Variants in BTBD9 observed in about 807,000 individuals in gnomAD.
The protein encoded by BTBD9 is BTB/POZ domain-containing protein 9.
Under a neutral mutation model 64.3 loss-of-function variants are expected in BTBD9, and 49 were observed. The observed-to-expected ratio is 0.76, with a 90% CI of 0.61 to 0.97. The LOEUF (loss-of-function observed/expected upper bound fraction) is 0.97, where lower values mean the gene tolerates loss of function less well. Ranked by LOEUF, BTBD9 falls within the 50% of genes least tolerant of loss-of-function variation. The pLI is 0.00. For missense variants in BTBD9, 598 were observed against 762.1 expected, an observed-to-expected ratio of 0.78 and a Z score of 2.53; for synonymous variants, 260 against 274.7, an observed-to-expected ratio of 0.95 and a Z score of 0.53.
At chr6:38,279,457 CTG>C (rs35789578) in intron 8 of BTBD9, among the ~76,000 whole-genome samples, 56,719 of 151,770 alleles carry the variant, frequency 0.37, 11,167 homozygotes, top group African/African-American at 0.48. Flanking sequence ...CCTTAAATGA[CTG>C]TGACCCTTCA....
At chr6:38,380,050 G>A (rs1198892738) in intron 6 of BTBD9, among the ~76,000 whole-genome samples, 1 of 152,152 alleles carries the variant, frequency 6.6e-6, no homozygotes, top group African/African-American at 2.4e-5. Flanking sequence ...ATGAAGAAAG[G>A]TGGGTGTGGG....
At chr6:38,486,557 A>C (rs1249632836) in intron 6 of BTBD9, among the ~76,000 whole-genome samples, 1 of 152,164 alleles carries the variant, frequency 6.6e-6, no homozygotes, top group African/African-American at 2.4e-5. Flanking sequence ...GGACAGGGAG[A>C]GATGGGGGAA....
intron 6 of BTBD9, among the ~76,000 whole-genome samples, chr6:38,362,298 A>G (rs1264941129): frequency 6.6e-6 from 1 of 152,226 alleles, no homozygotes; most frequent in Non-Finnish European, 1.5e-5. Context: ...TTAAGTGTCT[A>G]CTTTTCAGCT....
intron 6 of BTBD9, among the ~76,000 whole-genome samples, chr6:38,503,234 C>G (rs886650171): frequency 6.6e-6 from 1 of 152,152 alleles, no homozygotes; most frequent in African/African-American, 2.4e-5. Context: ...CTCTCAGCAG[C>G]TGTTCCCGCT....
At chr6:38,575,786 A>AT (rs1037660240) in intron 6 of BTBD9, among the ~76,000 whole-genome samples, 3 of 151,806 alleles carry the variant, frequency 2.0e-5, no homozygotes, top group Admixed American at 6.6e-5. Context: ...ACTGTTGCTC[A>AT]TTTTTTTTCA....
chr6:38,310,155 C>T (rs1278780300), intron 7 of BTBD9, among the ~76,000 whole-genome samples: 1 of 152,122 alleles, frequency 6.6e-6, no homozygotes, highest in Non-Finnish European at 1.5e-5. Flanking sequence ...AAAGTGAGTA[C>T]GAACTTCTGA....
At chr6:38,288,183 G>A in intron 8 of BTBD9, 89 bp downstream of exon 8, 1 of 1,317,806 alleles carries the variant, frequency 7.6e-7, no homozygotes, top group Non-Finnish European at 1.1e-6. Flanking sequence ...TTTCTTCACT[G>A]AAGTTATTAG....
At chr6:38,639,293 A>T (rs768447558) in intron 1 of BTBD9, among the ~76,000 whole-genome samples, 2 of 152,174 alleles carry the variant, frequency 1.3e-5, no homozygotes, top group Non-Finnish European at 2.9e-5. Context: ...CGCCCTCCCA[A>T]GGTCGTGGGT....
intron 10 of BTBD9, chr6:38,179,246 TA>T (rs994086130): frequency 2.9e-6 from 1 of 341,240 alleles, no homozygotes; most frequent in Non-Finnish European, 5.9e-6. Context: ...ACAAGTATTT[TA>T]AAAATCTAGA....
chr6:38,574,194 G>A (rs1192330570), intron 6 of BTBD9, among the ~76,000 whole-genome samples: 1 of 152,090 alleles, frequency 6.6e-6, no homozygotes, highest in Non-Finnish European at 1.5e-5. Context: ...TATCATGGTT[G>A]GAATGTTCAC....
chr6:38,539,167 A>G (rs1774155081), intron 6 of BTBD9, among the ~76,000 whole-genome samples: 1 of 152,146 alleles, frequency 6.6e-6, no homozygotes, highest in South Asian at 2.1e-4. Context: ...CCTGGCCTCA[A>G]GCAATCCTCC....
At chr6:38,238,470 G>T (rs1763868254) in intron 9 of BTBD9, among the ~76,000 whole-genome samples, 1 of 127,990 alleles carries the variant, frequency 7.8e-6, no homozygotes, top group East Asian at 2.3e-4. Context: ...GGAGACCAAG[G>T]TTTTTTGTTT....
chr6:38,347,753 T>C (rs185627247), intron 6 of BTBD9, among the ~76,000 whole-genome samples: 14 of 152,240 alleles, frequency 9.2e-5, no homozygotes, highest in Admixed American at 3.3e-4. Context: ...TCCCACCACA[T>C]TGGGAGGCCT....
rs1764073949 is a variant in BTBD9 at position 38,340,977 on chromosome 6, TA to T, written c.1264+4006del. 2.6e-5 allele frequency among the ~76,000 whole-genome samples: 4 copies of T among 152,314 alleles called. No individual in the cohort carries two copies. In the South Asian group the frequency reaches 8.3e-4, roughly 32 times the overall value. Reference sequence around the variant, plus strand: ...CAAGAAATGCAACAGATAAACATGCTAAATGTTACCACGGAAATTCAATGGC... The same window carrying T: ...CAAGAAATGCAACAGATAAACATGCTAATGTTACCACGGAAATTCAATGGC... On this transcript the variant is annotated intron_variant, in intron 7 of 10. Coordinates refer to ENST00000481247, the MANE Select transcript of BTBD9 (RefSeq NM_001099272.2).
chr6:38,400,970 G>C (rs752059891), intron 6 of BTBD9, among the ~76,000 whole-genome samples: 3 of 152,152 alleles, frequency 2.0e-5, no homozygotes, highest in Non-Finnish European at 4.4e-5. Flanking sequence ...CATGGCTCAA[G>C]AGTCTTTTCC....
At position 38,550,593 on chromosome 6, in the gene BTBD9, G is replaced by A. The variant is rs1017152957; in HGVS notation, c.1154+27007C>T. ...AGCCTCCCAAAGTGCTGGGATTATA[G>A]GCATGAGCCACCGTGCCCAGCCTCT... On this transcript the variant is annotated intron_variant, in intron 6 of 10. Transcript: ENST00000481247. 1.5e-4 allele frequency among the ~76,000 whole-genome samples: 23 copies of A among 152,206 alleles called. 1 individual carries two copies. In the South Asian group the frequency reaches 4.1e-3, roughly 27 times the overall value.
chr6:38,607,171 T>C (rs2127507905), intron 1 of BTBD9, among the ~76,000 whole-genome samples: 1 of 152,276 alleles, frequency 6.6e-6, no homozygotes, highest in South Asian at 2.1e-4. Flanking sequence ...ATCTAGTTAC[T>C]TAAAAGTTAC....
intron 1 of BTBD9, among the ~76,000 whole-genome samples, chr6:38,614,632 C>T (rs887030396): frequency 1.7e-4 from 26 of 152,200 alleles, no homozygotes; most frequent in African/African-American, 4.3e-4. Flanking sequence ...TCAGTGAATC[C>T]GGCTGTGGAA....
intron 6 of BTBD9, among the ~76,000 whole-genome samples, chr6:38,360,205 T>C (rs1764894206): frequency 1.3e-5 from 2 of 152,332 alleles, no homozygotes; most frequent in African/African-American, 4.8e-5. Flanking sequence ...TTTCCTCATC[T>C]GTAAAGGGGA....
Sources: allele counts gnomAD v4.1 joint callset (sites outside exome capture counted in the v4.1 genomes callset), GRCh38; gene constraint gnomAD v4.1.1; transcripts MANE v1.5; gene names NCBI Gene and HGNC (gene_info 2026-07-23, HGNC 2026-07-21).